Variants in CALN1 observed in about 807,000 individuals in gnomAD.
CALN1 encodes calneuron 1, also known as calcium-binding protein 8.
CALN1 carries 17 observed loss-of-function variants against 30.6 expected under a neutral mutation model. That is an observed-to-expected ratio of 0.56 (90% CI 0.38 to 0.83). The LOEUF (loss-of-function observed/expected upper bound fraction) is 0.83, where lower values mean the gene tolerates loss of function less well. Ranked by LOEUF, CALN1 falls within the 40% of genes least tolerant of loss-of-function variation. The pLI, the probability that CALN1 is intolerant of heterozygous loss-of-function variation, is 0.00. For missense variants in CALN1, 291 were observed against 354.9 expected (o/e 0.82, Z 1.45); for synonymous variants, 156 against 131.4 (o/e 1.19, Z -1.28).
At chr7:72,440,780 T>A (rs1302780512) in intron 1 of CALN1, among the ~76,000 whole-genome samples, 2 of 152,142 alleles carry the variant, frequency 1.3e-5, no homozygotes, top group Non-Finnish European at 2.9e-5. Flanking sequence ...TGAGCTGAGA[T>A]CGCACCACTG....
intron 3 of CALN1, among the ~76,000 whole-genome samples, chr7:72,225,809 G>A (rs575536953): frequency 3.9e-5 from 6 of 152,212 alleles, no homozygotes; most frequent in Admixed American, 1.3e-4. Flanking sequence ...GCAAAAGGGT[G>A]CAGGGAAAGA....
chr7:71,958,497 T>C (rs1179287075), intron 5 of CALN1, among the ~76,000 whole-genome samples: 1 of 152,180 alleles, frequency 6.6e-6, no homozygotes, highest in Non-Finnish European at 1.5e-5. Flanking sequence ...AAAGTACCAA[T>C]AGACTACCAA....
At chr7:72,388,507 C>T (rs2944809) in intron 2 of CALN1, among the ~76,000 whole-genome samples, 58,793 of 152,010 alleles carry the variant, frequency 0.39, 13,767 homozygotes, top group Middle Eastern at 0.54. Flanking sequence ...GTTCATTAAC[C>T]GCAGCACATG....
At chr7:72,185,043 G>A (rs553838080) in intron 3 of CALN1, among the ~76,000 whole-genome samples, 14 of 152,050 alleles carry the variant, frequency 9.2e-5, no homozygotes, top group South Asian at 4.2e-4. Flanking sequence ...GGGCTCAAGC[G>A]ATCATCCCAC....
intron 2 of CALN1, among the ~76,000 whole-genome samples, chr7:72,301,610 C>CA (rs34940935): frequency 0.33 from 34,526 of 104,246 alleles, 6,734 homozygotes; most frequent in Non-Finnish European, 0.37. Context: ...CTTTGTCTCT[C>CA]AAAAAAAAAA....
At chr7:72,313,205 C>T (rs994325048) in intron 2 of CALN1, among the ~76,000 whole-genome samples, 4 of 151,974 alleles carry the variant, frequency 2.6e-5, no homozygotes, top group South Asian at 4.2e-4. Context: ...GGAGAAGAAA[C>T]AAAAGATTTA....
chr7:71,887,105 C>T (rs1034523553), intron 5 of CALN1, among the ~76,000 whole-genome samples: 9 of 151,920 alleles, frequency 5.9e-5, no homozygotes, highest in African/African-American at 1.5e-4. Flanking sequence ...GAGGATGGCA[C>T]GGTTGGGGAG....
At chr7:72,457,310 A>T in the CALN1 span, among the ~76,000 whole-genome samples, 7,237 of 152,244 alleles carry the variant, frequency 0.048, 205 homozygotes, top group African/African-American at 0.058. Flanking sequence ...TGGAATAAAA[A>T]TCAAACTCCA....
intron 4 of CALN1, among the ~76,000 whole-genome samples, chr7:72,028,745 C>T (rs970028437): frequency 6.6e-5 from 10 of 152,198 alleles, no homozygotes; most frequent in Non-Finnish European, 1.5e-4. Flanking sequence ...AATCCCAACA[C>T]TTTGGGAGGC....
chr7:71,865,556 G>T (rs1584401726), intron 5 of CALN1, among the ~76,000 whole-genome samples: 1 of 152,188 alleles, frequency 6.6e-6, no homozygotes, highest in Non-Finnish European at 1.5e-5. Context: ...AGCCTTATCT[G>T]GTTCTTCCCT....
chr7:71,938,108 G>A (rs926460297), intron 5 of CALN1, among the ~76,000 whole-genome samples: 1 of 152,144 alleles, frequency 6.6e-6, no homozygotes, highest in African/African-American at 2.4e-5. Flanking sequence ...CAGAGAGATT[G>A]GCACAGAGAT....
intron 3 of CALN1, among the ~76,000 whole-genome samples, chr7:72,257,504 G>A (rs770200856): frequency 3.1e-4 from 47 of 152,276 alleles, no homozygotes; most frequent in African/African-American, 5.1e-4. Context: ...CACTTCCAAC[G>A]CTGCTGGTGA....
intron 2 of CALN1, among the ~76,000 whole-genome samples, chr7:72,310,488 G>C (rs1276367786): frequency 6.6e-6 from 1 of 151,594 alleles, no homozygotes; most frequent in South Asian, 2.1e-4. Flanking sequence ...GGCTTCTGTG[G>C]TTATAATATT....
intron 5 of CALN1, among the ~76,000 whole-genome samples, chr7:71,898,402 A>ATGGCTGATAAAAGGAT (rs1214289776): frequency 3.3e-5 from 5 of 152,192 alleles, no homozygotes; most frequent in Non-Finnish European, 7.4e-5. Context: ...CAGATTGGAC[A>ATGGCTGATAAAAGGAT]TGGCTGATAA....
chr7:71,953,312 C>T (rs533499201), intron 5 of CALN1, among the ~76,000 whole-genome samples: 1 of 152,172 alleles, frequency 6.6e-6, no homozygotes, highest in South Asian at 2.1e-4. Context: ...TCTCCTCCAT[C>T]CTGTTCTTCA....
intron 5 of CALN1, among the ~76,000 whole-genome samples, chr7:71,827,037 G>A (rs1398404621): frequency 1.3e-5 from 2 of 152,224 alleles, no homozygotes; most frequent in Non-Finnish European, 2.9e-5. Flanking sequence ...TGCACGTAGG[G>A]ATAGGGTGCA....
At chr7:71,977,214 C>A (rs1368647473) in intron 5 of CALN1, among the ~76,000 whole-genome samples, 1 of 152,006 alleles carries the variant, frequency 6.6e-6, no homozygotes, top group Non-Finnish European at 1.5e-5. Flanking sequence ...CTTTGGGAGG[C>A]CAAGGGAAGA....
At chr7:72,361,879 A>G (rs984660797) in intron 2 of CALN1, among the ~76,000 whole-genome samples, 1 of 152,242 alleles carries the variant, frequency 6.6e-6, no homozygotes, top group East Asian at 1.9e-4. Context: ...ATTAGTGGAC[A>G]TTATACATGT....
intron 4 of CALN1, among the ~76,000 whole-genome samples, chr7:72,105,093 C>T (rs956443028): frequency 9.9e-5 from 15 of 151,702 alleles, no homozygotes; most frequent in East Asian, 1.9e-4. Flanking sequence ...GTTAGTTTGC[C>T]GAGGATAGTG....
Sources: gnomAD v4.1 joint callset for allele counts (sites outside exome capture counted in the v4.1 genomes callset) on GRCh38, gnomAD v4.1.1 for gene constraint, MANE v1.5 for transcripts, NCBI Gene and HGNC (gene_info 2026-07-23, HGNC 2026-07-21) for gene names.